The following IL1RAPL1 variants were observed in gnomAD, a reference collection of about 807,000 sequenced individuals.
IL1RAPL1 encodes the protein interleukin-1 receptor accessory protein-like 1.
IL1RAPL1 carries 3 observed loss-of-function variants against 48.4 expected under a neutral mutation model. That is an observed-to-expected ratio of 0.06 (90% CI 0.03 to 0.16). IL1RAPL1 has a LOEUF of 0.16. Among genes scored for constraint, IL1RAPL1 ranks in the 10% least tolerant of loss-of-function variants. The probability of loss-of-function intolerance (pLI) is 1.00; values close to 1 mark genes in which losing one functional copy is unlikely to be tolerated. For synonymous variants in IL1RAPL1, 185 were observed against 187.7 expected, an observed-to-expected ratio of 0.99 and a Z score of 0.12; for missense variants, 349 against 530.6, an observed-to-expected ratio of 0.66 and a Z score of 3.36.
intron 6 of IL1RAPL1, among the ~76,000 whole-genome samples, chrX:29,896,248 G>T (rs1252769940): frequency 8.9e-6 from 1 of 111,904 alleles, no homozygotes; most frequent in Non-Finnish European, 1.9e-5. Flanking sequence ...TTAGCACCTG[G>T]TATGTGATAT....
At chrX:29,948,120 A>C (rs555112017) in intron 9 of IL1RAPL1, among the ~76,000 whole-genome samples, 47 of 111,362 alleles carry the variant, frequency 4.2e-4, no homozygotes, top group South Asian at 1.1e-3. Context: ...CATCTTCAGG[A>C]AGGTGCTATT....
intron 3 of IL1RAPL1, among the ~76,000 whole-genome samples, chrX:29,342,940 TTTC>T (rs1484410219): frequency 9.0e-6 from 1 of 111,701 alleles, no homozygotes; most frequent in Non-Finnish European, 1.9e-5. Context: ...ATGAAGCCGT[TTTC>T]TTTTTTTTCT....
At chrX:29,092,995 T>A (rs1229641177) in intron 2 of IL1RAPL1, among the ~76,000 whole-genome samples, 1 of 111,868 alleles carries the variant, frequency 8.9e-6, no homozygotes, top group East Asian at 2.8e-4. Context: ...TTTAATAGAA[T>A]CTATATTAAC....
intron 1 of IL1RAPL1, among the ~76,000 whole-genome samples, chrX:28,613,067 T>G (rs1341567593): frequency 8.9e-6 from 1 of 112,110 alleles, no homozygotes; most frequent in East Asian, 2.8e-4. Flanking sequence ...CTGTAAATAC[T>G]AGGAATTTGT....
At chrX:28,714,580 A>G (rs1197152045) in intron 1 of IL1RAPL1, among the ~76,000 whole-genome samples, 1 of 112,317 alleles carries the variant, frequency 8.9e-6, no homozygotes, top group African/African-American at 3.2e-5. Flanking sequence ...GTGAAAGCAT[A>G]CATTTACCTG....
intron 2 of IL1RAPL1, among the ~76,000 whole-genome samples, chrX:28,927,867 A>C (rs1923785725): frequency 9.0e-6 from 1 of 111,146 alleles, no homozygotes; most frequent in Non-Finnish European, 1.9e-5. Context: ...TTCTAGCTTC[A>C]TACTTTTTTT....
At position 29,636,233 on chromosome X, in the gene IL1RAPL1, A is replaced by G. The variant is rs149978697; in HGVS notation, c.704-32197A>G. On this transcript the variant is annotated intron_variant, in intron 5 of 10. Transcript: ENST00000378993. Reference sequence around the variant, plus strand: ...GCAATAAAATAAACTCGTGCAAAAAATGGTCAAAGTTATAGTATTATAATT... The same window carrying G: ...GCAATAAAATAAACTCGTGCAAAAAGTGGTCAAAGTTATAGTATTATAATT... 9.9e-4 allele frequency among the ~76,000 whole-genome samples: 111 copies of G among 112,215 alleles called. 1 individual carries two copies. The highest frequency in any genetic ancestry group is 3.5e-3 in the African/African-American group (108 of 30,954).
At chrX:29,803,392 C>CACATGTAT (rs1930141925) in intron 6 of IL1RAPL1, among the ~76,000 whole-genome samples, 3 of 85,718 alleles carry the variant, frequency 3.5e-5, no homozygotes, top group Non-Finnish European at 6.7e-5. Context: ...CATGTATACA[C>CACATGTAT]ATATGTATAT....
chrX:28,608,814 C>A (rs184685922), intron 1 of IL1RAPL1, among the ~76,000 whole-genome samples: 50 of 111,020 alleles, frequency 4.5e-4, no homozygotes, highest in African/African-American at 1.5e-3. Context: ...GTTTTAAGAC[C>A]AAAATTTAAA....
chrX:29,276,831 T>C (rs922961821), intron 2 of IL1RAPL1, among the ~76,000 whole-genome samples: 5 of 111,118 alleles, frequency 4.5e-5, no homozygotes, highest in African/African-American at 1.6e-4. Context: ...TTTAGATATG[T>C]AGATGATAGA....
chrX:29,050,274 C>T (rs1927064677), intron 2 of IL1RAPL1, among the ~76,000 whole-genome samples: 1 of 111,610 alleles, frequency 9.0e-6, no homozygotes, highest in Admixed American at 9.6e-5. Flanking sequence ...TTTGAGTTTG[C>T]CTGCTGTTCT....
chrX:28,615,220 T>TG (rs202196181), intron 1 of IL1RAPL1, among the ~76,000 whole-genome samples: 18,269 of 83,940 alleles, frequency 0.22, 1,793 homozygotes, highest in East Asian at 0.31. Context: ...TTTTTTTTTT[T>TG]TTTTTTTTTT....
intron 2 of IL1RAPL1, among the ~76,000 whole-genome samples, chrX:29,213,108 C>T (rs769671219): frequency 1.8e-5 from 2 of 111,914 alleles, no homozygotes; most frequent in African/African-American, 6.5e-5. Context: ...AAATGATTCT[C>T]CTGCCTCAGC....
chrX:29,625,234 A>G (rs933092122), intron 5 of IL1RAPL1, among the ~76,000 whole-genome samples: 3 of 112,235 alleles, frequency 2.7e-5, no homozygotes, highest in Admixed American at 9.5e-5. Flanking sequence ...AAGTTTCTTT[A>G]TATAATTTGT....
At chrX:29,371,720 G>A (rs778738433) in intron 3 of IL1RAPL1, among the ~76,000 whole-genome samples, 3 of 111,547 alleles carry the variant, frequency 2.7e-5, no homozygotes, top group East Asian at 5.6e-4. Flanking sequence ...TCATTAGTTC[G>A]CTGAGGATAT....
chrX:29,729,271 A>T (rs1462740184), intron 6 of IL1RAPL1, among the ~76,000 whole-genome samples: 1 of 110,543 alleles, frequency 9.0e-6, no homozygotes, highest in Non-Finnish European at 1.9e-5. Flanking sequence ...CCTGTCACCC[A>T]TTTTTCCCTC....
chrX:28,686,203 A>T (rs1367765476), intron 1 of IL1RAPL1, among the ~76,000 whole-genome samples: 1 of 112,149 alleles, frequency 8.9e-6, no homozygotes, highest in Non-Finnish European at 1.9e-5. Context: ...TATTGAGTTG[A>T]ATTAAACAAA....
intron 6 of IL1RAPL1, among the ~76,000 whole-genome samples, chrX:29,909,295 G>T (rs886505477): frequency 9.0e-6 from 1 of 111,322 alleles, no homozygotes; most frequent in South Asian, 3.8e-4. Flanking sequence ...GCCAGGCATG[G>T]TTACACATGC....
chrX:29,901,316 A>G (rs1387500619), intron 6 of IL1RAPL1, among the ~76,000 whole-genome samples: 1 of 111,945 alleles, frequency 8.9e-6, no homozygotes, highest in Non-Finnish European at 1.9e-5. Context: ...TAAAAGGAAG[A>G]AAGGACTAAT....
Sources: allele counts gnomAD v4.1 joint callset (sites outside exome capture counted in the v4.1 genomes callset), GRCh38; gene constraint gnomAD v4.1.1; transcripts MANE v1.5; gene names NCBI Gene and HGNC (gene_info 2026-07-23, HGNC 2026-07-21).